Variants in RMDN2 observed in about 807,000 individuals in gnomAD.
The protein encoded by RMDN2 is regulator of microtubule dynamics 2.
Under a neutral mutation model 52.8 loss-of-function variants are expected in RMDN2, and 61 were observed. The observed-to-expected ratio is 1.16, with a 90% CI of 0.94 to 1.43. RMDN2 has a LOEUF of 1.43. RMDN2 is among the 40% of genes most tolerant of loss of function. The pLI is 0.00. For missense variants in RMDN2, 592 were observed against 475.3 expected (o/e 1.25, Z -2.28); for synonymous variants, 180 against 153.1 (o/e 1.18, Z -1.30).
At chr2:37,962,078 G>A (rs1670312420) in intron 2 of RMDN2, among the ~76,000 whole-genome samples, 1 of 152,154 alleles carries the variant, frequency 6.6e-6, no homozygotes, top group African/African-American at 2.4e-5. Context: ...TGTCCCAGAG[G>A]GCCACCCACC....
At chr2:38,024,743 C>T (rs557106861) in intron 10 of RMDN2, among the ~76,000 whole-genome samples, 1 of 152,104 alleles carries the variant, frequency 6.6e-6, no homozygotes, top group Non-Finnish European at 1.5e-5. Context: ...ATCTAATACT[C>T]TATAACATAT....
intron 10 of RMDN2, chr2:38,012,673 C>G: frequency 2.3e-6 from 1 of 442,398 alleles, no homozygotes; most frequent in Non-Finnish European, 4.6e-6. Flanking sequence ...ATTTCCATTT[C>G]TTTTTCCATG....
At position 37,975,225 on chromosome 2, in the gene RMDN2, T is replaced by TAC. The variant is rs773067837; in HGVS notation, c.642_643insCA (p.Glu215GlnfsTer34). ...TTTTCTTTTCAGTTTAGAGATGAAA[T>TAC]AGAGTTTATGTGGCGATTTGCTCGT... On this transcript the variant is annotated frameshift_variant, in exon 4 of 11. Coordinates refer to ENST00000354545, the MANE Select transcript of RMDN2 (RefSeq NM_001170791.3). LOFTEE classifies it high-confidence loss of function. 4 of 1,599,086 alleles carry TAC rather than the reference T, an allele frequency of 2.5e-6. No homozygotes were observed. In the South Asian group the frequency reaches 4.4e-5, roughly 18 times the overall value.
At chr2:38,040,202 T>C (rs1680868945) in intron 10 of RMDN2, among the ~76,000 whole-genome samples, 1 of 152,110 alleles carries the variant, frequency 6.6e-6, no homozygotes, top group Admixed American at 6.5e-5. Context: ...ATTTCTAAAC[T>C]TTCTTACCTC....
At chr2:38,033,421 AG>A (rs1179551581) in intron 10 of RMDN2, among the ~76,000 whole-genome samples, 1 of 152,206 alleles carries the variant, frequency 6.6e-6, no homozygotes, top group Non-Finnish European at 1.5e-5. Flanking sequence ...TGTTGTTGGA[AG>A]GGGGATGAAA....
rs1491248096 is a variant in RMDN2, at chr2:37,984,854, AAT to A, written c.791+3513_791+3514del. On this transcript the variant is annotated intron_variant, in intron 5 of 10. Coordinates refer to ENST00000354545, the MANE Select transcript of RMDN2 (RefSeq NM_001170791.3). ...TCAGCCTGAGTATTTGAGAAAAAAA[AAT>A]AAAATTAAGTATTTTAAATGAACAG... 4.3e-3 allele frequency among the ~76,000 whole-genome samples: 616 copies of A among 142,264 alleles called. 4 individuals carry two copies. The highest frequency in any genetic ancestry group is 0.014 in the African/African-American group (509 of 36,824). 93.3% of individuals were successfully genotyped at this position (142,264 alleles called of 152,430 possible).
At chr2:38,050,084 A>G (rs1206914746) in intron 10 of RMDN2, among the ~76,000 whole-genome samples, 1 of 152,212 alleles carries the variant, frequency 6.6e-6, no homozygotes, top group Non-Finnish European at 1.5e-5. Flanking sequence ...CCACTTGAAG[A>G]GGTTCACTTG....
intron 10 of RMDN2, among the ~76,000 whole-genome samples, chr2:38,029,133 T>C (rs1679992874): frequency 6.6e-6 from 1 of 152,154 alleles, no homozygotes; most frequent in African/African-American, 2.4e-5. Context: ...AGCAGGCCTT[T>C]TGTGTACCCC....
upstream of RMDN2, among the ~76,000 whole-genome samples, chr2:37,923,899 GCC>G (rs1666104437): frequency 6.6e-6 from 1 of 152,020 alleles, no homozygotes; most frequent in Non-Finnish European, 1.5e-5. Flanking sequence ...ACAGAAGTGC[GCC>G]ACCACACTCG....
At chr2:38,006,240 A>G (rs1315283458) in intron 10 of RMDN2, among the ~76,000 whole-genome samples, 2 of 152,162 alleles carry the variant, frequency 1.3e-5, no homozygotes, top group Admixed American at 6.5e-5. Flanking sequence ...TTCTGTGAAG[A>G]AAGTCATTGG....
At chr2:37,943,675 T>G (rs72887117) in intron 2 of RMDN2, among the ~76,000 whole-genome samples, 5,741 of 152,278 alleles carry the variant, frequency 0.038, 345 homozygotes, top group African/African-American at 0.13. Flanking sequence ...AATTTTAGGT[T>G]GTATATTTCA....
At chr2:38,032,520 A>T (rs1573186361) in intron 10 of RMDN2, among the ~76,000 whole-genome samples, 1 of 152,204 alleles carries the variant, frequency 6.6e-6, no homozygotes, top group East Asian at 1.9e-4. Flanking sequence ...ACAGTTTGAC[A>T]TTATTATGAA....
intron 8 of RMDN2, among the ~76,000 whole-genome samples, chr2:37,999,927 A>C (rs909432315): frequency 6.6e-6 from 1 of 152,138 alleles, no homozygotes; most frequent in East Asian, 1.9e-4. Flanking sequence ...CCCACTCTCA[A>C]ATTCTTCATC....
downstream of RMDN2, among the ~76,000 whole-genome samples, chr2:38,022,348 A>T (rs7557038): frequency 0.29 from 44,321 of 152,074 alleles, 7,101 homozygotes; most frequent in East Asian, 0.67. Flanking sequence ...CTCGTTTTCT[A>T]TGGTTACTTC....
Position 37,929,595 on chromosome 2 carries a change from T to C in RMDN2, c.318T>C (p.Tyr106=), listed in dbSNP as rs1311766157. ...LKEAIPKLEE[Y]IQDELGGKIT... ...AAGCTATTCCAAAGCTGGAGGAATATATACAAGATGAACTTGGAGGGAAAA... is the reference window on the plus strand; with the variant it reads ...AAGCTATTCCAAAGCTGGAGGAATACATACAAGATGAACTTGGAGGGAAAA... Residue 106 remains tyrosine (Y), a synonymous_variant, in exon 2 of 11, where the codon TAT becomes TAC. Transcript: ENST00000354545. 4 of 1,551,708 alleles carry C rather than the reference T, an allele frequency of 2.6e-6. No individual in the cohort carries two copies. Among genetic ancestry groups the C allele is most frequent in the Non-Finnish European group, 3.5e-6 (4 of 1,146,894 alleles).
intron 8 of RMDN2, among the ~76,000 whole-genome samples, chr2:37,998,946 C>T (rs1011183220): frequency 2.0e-5 from 3 of 152,130 alleles, no homozygotes; most frequent in African/African-American, 7.2e-5. Flanking sequence ...TTAGTTCCCT[C>T]TTTTTAAATT....
chr2:37,951,166 G>T (rs1004458537), intron 2 of RMDN2: 4 of 1,429,580 alleles, frequency 2.8e-6, no homozygotes, highest in Non-Finnish European at 3.7e-6. Context: ...TATTCTTCAG[G>T]AGGCTTGGCA....
intron 2 of RMDN2, among the ~76,000 whole-genome samples, chr2:37,941,312 T>G (rs1282280456): frequency 6.6e-6 from 1 of 152,210 alleles, no homozygotes; most frequent in Non-Finnish European, 1.5e-5. Flanking sequence ...GGAGCTCTCC[T>G]GTGCGAGATG....
intron 10 of RMDN2, chr2:38,029,735 G>A (rs336043): frequency 0.64 from 96,983 of 151,298 alleles, 31,646 homozygotes; most frequent in East Asian, 0.87. Context: ...TGGGGCAGGA[G>A]GTGGGGAAGC....
Sources: allele counts gnomAD v4.1 joint callset (sites outside exome capture counted in the v4.1 genomes callset), GRCh38; gene constraint gnomAD v4.1.1; transcripts MANE v1.5; gene names NCBI Gene and HGNC (gene_info 2026-07-23, HGNC 2026-07-21).